Variants in ADGRL3 observed in about 807,000 individuals in gnomAD.
ADGRL3 encodes calcium-independent alpha-latrotoxin receptor 3.
Under a neutral mutation model 153.5 loss-of-function variants are expected in ADGRL3, and 62 were observed. The ratio of observed to expected loss-of-function variants is 0.40; its 90% CI spans 0.33 to 0.50. ADGRL3 has a LOEUF of 0.50. Ranked by LOEUF, ADGRL3 falls within the 20% of genes least tolerant of loss-of-function variation. The pLI is 0.47. For synonymous variants in ADGRL3, 710 were observed against 672.5 expected (o/e 1.06, Z -0.86); for missense variants, 1,641 against 1,859.4 (o/e 0.88, Z 2.16).
At chr4:61,642,191 T>G (rs1175801074) in intron 5 of ADGRL3, among the ~76,000 whole-genome samples, 1 of 150,940 alleles carries the variant, frequency 6.6e-6, no homozygotes, top group Non-Finnish European at 1.5e-5. Flanking sequence ...ATATTAGCCC[T>G]TTGTCAGATG....
At chr4:61,995,904 C>T (rs1474352814) in intron 19 of ADGRL3, among the ~76,000 whole-genome samples, 2 of 152,144 alleles carry the variant, frequency 1.3e-5, no homozygotes, top group Non-Finnish European at 2.9e-5. Context: ...GTCACTTTGC[C>T]TGACAGCTGA....
intron 10 of ADGRL3, among the ~76,000 whole-genome samples, 151 bp downstream of exon 10, chr4:61,893,109 TTCTTTCTTTCTC>T (rs1452900620): frequency 5.9e-5 from 3 of 50,442 alleles, no homozygotes; most frequent in Non-Finnish European, 1.5e-4. Flanking sequence ...CCTTCCTTCC[TTCTTTCTTTCTC>T]TCTTTCTCTC....
chr4:61,348,075 C>G (rs72614739), intron 1 of ADGRL3, among the ~76,000 whole-genome samples: 18,042 of 151,900 alleles, frequency 0.12, 1,294 homozygotes, highest in South Asian at 0.2. Flanking sequence ...AATTTTAGCA[C>G]TTTTCAAACT....
At chr4:61,756,619 C>T (rs1480440039) in intron 8 of ADGRL3, among the ~76,000 whole-genome samples, 1 of 152,148 alleles carries the variant, frequency 6.6e-6, no homozygotes, top group Non-Finnish European at 1.5e-5. Context: ...ATTTCTTTCT[C>T]TTGCCTGATT....
intron 1 of ADGRL3, among the ~76,000 whole-genome samples, chr4:61,376,379 T>C (rs529911975): frequency 4.7e-5 from 7 of 148,118 alleles, no homozygotes; most frequent in Non-Finnish European, 7.6e-5. Context: ...AAACAGAGGA[T>C]AAGTTAAATG....
intron 6 of ADGRL3, 95 bp downstream of exon 6, chr4:61,677,030 C>T (rs370750400): frequency 1.3e-5 from 11 of 833,662 alleles, no homozygotes; most frequent in South Asian, 3.4e-5. Flanking sequence ...ACATAAATCA[C>T]GTAAATTAAA....
At chr4:62,055,720 T>C (rs956140074) in intron 25 of ADGRL3, among the ~76,000 whole-genome samples, 7 of 151,870 alleles carry the variant, frequency 4.6e-5, no homozygotes, top group Admixed American at 4.6e-4. Context: ...TATTCCTGTT[T>C]TATAAAGTAG....
intron 1 of ADGRL3, among the ~76,000 whole-genome samples, chr4:61,298,340 G>A (rs758236424): frequency 7.9e-5 from 12 of 152,110 alleles, no homozygotes; most frequent in South Asian, 2.1e-4. Flanking sequence ...ACCAGCCTAC[G>A]TTTGTGGTCC....
At chr4:61,638,188 A>G (rs1286573166) in intron 5 of ADGRL3, among the ~76,000 whole-genome samples, 1 of 152,196 alleles carries the variant, frequency 6.6e-6, no homozygotes, top group East Asian at 1.9e-4. Flanking sequence ...TATTCCTACA[A>G]TAGAAGATTG....
intron 1 of ADGRL3, among the ~76,000 whole-genome samples, chr4:61,253,422 T>C (rs574248444): frequency 9.9e-5 from 15 of 152,180 alleles, no homozygotes; most frequent in Non-Finnish European, 1.9e-4. Context: ...AGTGTGCTTA[T>C]TGGAGGTAGG....
intron 25 of ADGRL3, among the ~76,000 whole-genome samples, chr4:62,053,554 C>A (rs74594864): frequency 0.026 from 3,994 of 151,326 alleles, 183 homozygotes; most frequent in African/African-American, 0.093. Context: ...TGGAGAATTA[C>A]GAAAGATTTG....
chr4:61,726,358 C>A (rs373119947), intron 6 of ADGRL3, among the ~76,000 whole-genome samples: 13 of 151,852 alleles, frequency 8.6e-5, no homozygotes, highest in Admixed American at 7.9e-4. Flanking sequence ...ATCACCCCAC[C>A]CAGCTAATGT....
chr4:61,409,813 TTTC>T (rs2097061368), intron 2 of ADGRL3, among the ~76,000 whole-genome samples: 1 of 152,094 alleles, frequency 6.6e-6, no homozygotes, highest in African/African-American at 2.4e-5. Context: ...TTGTTATGCC[TTTC>T]TTATCTTTAA....
At chr4:61,785,064 G>C (rs2097261518) in intron 8 of ADGRL3, among the ~76,000 whole-genome samples, 1 of 152,106 alleles carries the variant, frequency 6.6e-6, no homozygotes, top group South Asian at 2.1e-4. Flanking sequence ...TAAATGAATA[G>C]ATGGATAAAT....
chr4:61,370,161 T>C (rs1216188235), intron 1 of ADGRL3, among the ~76,000 whole-genome samples: 2 of 152,186 alleles, frequency 1.3e-5, no homozygotes, highest in Admixed American at 6.5e-5. Flanking sequence ...TCAATTTTGT[T>C]GATCCTTTCA....
chr4:61,800,576 T>TA (rs1251127294), intron 8 of ADGRL3, among the ~76,000 whole-genome samples: 1 of 152,162 alleles, frequency 6.6e-6, no homozygotes, highest in African/African-American at 2.4e-5. Context: ...AGTGCTGTCT[T>TA]AAAAAAGTTG....
At position 61,803,650 on chromosome 4, in the gene ADGRL3, A is replaced by T. The variant is rs148154017; in HGVS notation, c.1400-10159A>T. On this transcript the variant is annotated intron_variant, in intron 8 of 26. Coordinates refer to ENST00000683033, the MANE Select transcript of ADGRL3 (RefSeq NM_001387552.1). ...TTTATTCCTACGTTAACTTGAAATA[A>T]TGAAATGGAATGACCATTTTAGAAA... Among the ~76,000 whole-genome samples the T allele has an allele frequency of 2.3e-3, 346 of 152,258 alleles. 2 individuals are homozygous for T. Among genetic ancestry groups the T allele is most frequent in the African/African-American group, 7.9e-3 (330 of 41,572 alleles).
chr4:61,608,001 C>T (rs575355242), intron 5 of ADGRL3, among the ~76,000 whole-genome samples: 2 of 152,240 alleles, frequency 1.3e-5, no homozygotes, highest in East Asian at 3.9e-4. Flanking sequence ...TCACCATCTT[C>T]GCAAAGGTAG....
chr4:61,318,883 C>T (rs72634751), intron 1 of ADGRL3, among the ~76,000 whole-genome samples: 10,869 of 152,188 alleles, frequency 0.071, 481 homozygotes, highest in South Asian at 0.12. Context: ...TTTATATTGA[C>T]AGTCAATACT....
Sources: gnomAD v4.1 joint callset for allele counts (sites outside exome capture counted in the v4.1 genomes callset) on GRCh38, gnomAD v4.1.1 for gene constraint, MANE v1.5 for transcripts, NCBI Gene and HGNC (gene_info 2026-07-23, HGNC 2026-07-21) for gene names.